INCENP: variants seen among roughly 807,000 people sequenced by gnomAD.
INCENP encodes binds and activates aurora-B and -C in vivo and in vitro.
A neutral mutation model predicts 107.3 loss-of-function variants in INCENP; 43 were observed. The observed-to-expected ratio is 0.40, with a 90% CI of 0.31 to 0.52. The LOEUF is 0.52. INCENP is among the 20% of genes least tolerant of loss of function. INCENP has a pLI of 0.53. For synonymous variants in INCENP, 488 were observed against 494.4 expected (o/e 0.99, Z 0.17); for missense variants, 1,089 against 1,250.9 (o/e 0.87, Z 1.95).
chr11:62,150,250 T>A, intron 18 of INCENP, 43 bp downstream of exon 18: 1 of 1,604,076 alleles, frequency 6.2e-7, no homozygotes, highest in South Asian at 1.1e-5. Context: ...AGGCCCTCCC[T>A]GGTCCTCACC....
At chr11:62,129,038 G>A (rs1429835094) in intron 3 of INCENP, among the ~76,000 whole-genome samples, 155 bp downstream of exon 3, 2 of 152,210 alleles carry the variant, frequency 1.3e-5, no homozygotes, top group Non-Finnish European at 2.9e-5. Context: ...CATGCTGAGA[G>A]GGGTTGGGAT....
At position 62,128,190 on chromosome 11, in the gene INCENP, A is replaced by G. The variant is rs1477222751; in HGVS notation, c.29A>G (p.His10Arg). Residue 10 changes from histidine to arginine, a missense_variant, in exon 2 of 19, where the codon CAC becomes CGC. His to Arg is a conservative substitution (Grantham distance 29). Coordinates refer to ENST00000394818, the MANE Select transcript of INCENP (RefSeq NM_001040694.2). MGTTAPGPI[H>R]LLELCDQKLM... ...GGGACGACGGCCCCAGGGCCCATTC[A>G]CCTGCTGGAGCTATGTGACCAGAAG... 1.2e-6 allele frequency: 2 copies of G among 1,614,118 alleles called. No individual in the cohort carries two copies. Among genetic ancestry groups the G allele is most frequent in the Middle Eastern group, 1.6e-4 (1 of 6,062 alleles).
rs146545464 is a variant in INCENP, at chr11:62,129,353, A to T, written c.255-429A>T. On this transcript the variant is annotated intron_variant, in intron 3 of 18. Transcript: ENST00000394818. ...GGTGTGAACCCCAGCTCTGCCCCTTAGCAGAGCAGTACGGCTTTGAATTGA... is the reference window on the plus strand; with the variant it reads ...GGTGTGAACCCCAGCTCTGCCCCTTTGCAGAGCAGTACGGCTTTGAATTGA... 2.7e-3 allele frequency among the ~76,000 whole-genome samples: 416 copies of T among 152,280 alleles called. 1 individual carries two copies. The highest frequency in any genetic ancestry group is 4.8e-3 in the Non-Finnish European group (329 of 68,024).
chr11:62,141,429 A>G (rs1359294071), intron 10 of INCENP, 71 bp from the exon 11 acceptor site: 6 of 1,602,106 alleles, frequency 3.7e-6, no homozygotes, highest in South Asian at 1.1e-5. Context: ...ACAGCTGGGC[A>G]TGTGGCCTGC....
chr11:62,134,159 G>C (rs1030917178), intron 4 of INCENP, among the ~76,000 whole-genome samples: 1 of 152,226 alleles, frequency 6.6e-6, no homozygotes, highest in Non-Finnish European at 1.5e-5. Flanking sequence ...TGCTGAGGGT[G>C]AGGGACCTGG....
intron 4 of INCENP, among the ~76,000 whole-genome samples, chr11:62,135,785 T>A (rs937794261): frequency 3.3e-5 from 5 of 152,140 alleles, no homozygotes; most frequent in African/African-American, 1.2e-4. Flanking sequence ...TTTTCAAAAT[T>A]CTACTCTTGG....
In INCENP at chr11:62,143,073, C is replaced by T. The variant is rs556025822; in HGVS notation, c.1605+1562C>T. On this transcript the variant is annotated intron_variant, in intron 11 of 18. Coordinates refer to ENST00000394818, the MANE Select transcript of INCENP (RefSeq NM_001040694.2). ...TTTGGCCACACTTTTGGGATCACAG[C>T]TCCTCCTCTGAGTTTTGACTTGGCA... 9.9e-5 allele frequency among the ~76,000 whole-genome samples: 15 copies of T among 152,224 alleles called. No individual in the cohort carries two copies. The South Asian group carries it at 3.0e-3, about 30-fold the overall frequency.
rs117286841 is a variant in INCENP at position 62,130,979 on chromosome 11, G to A, written c.1063+389G>A. On this transcript the variant is annotated intron_variant, in intron 4 of 18. Coordinates refer to ENST00000394818, the MANE Select transcript of INCENP (RefSeq NM_001040694.2). ...GGTTACTGGCCATGTTGAGGCTGGA[G>A]CCTGGGCCTCTTCCGCAGGGCCAGC... 1.1e-4 allele frequency among the ~76,000 whole-genome samples: 17 copies of A among 152,278 alleles called. No homozygotes were observed. The East Asian group carries it at 2.7e-3, about 24-fold the overall frequency.
At chr11:62,131,423 A>G (rs1436879530) in intron 4 of INCENP, among the ~76,000 whole-genome samples, 1 of 152,226 alleles carries the variant, frequency 6.6e-6, no homozygotes, top group African/African-American at 2.4e-5. Context: ...TTAGGGGGCC[A>G]TTGCCCACTG....
intron 4 of INCENP, among the ~76,000 whole-genome samples, chr11:62,134,470 A>G (rs1263088287): frequency 6.6e-6 from 1 of 151,874 alleles, no homozygotes; most frequent in Non-Finnish European, 1.5e-5. Flanking sequence ...TTAAAAATTA[A>G]AACTGAGGAG....
intron 14 of INCENP, 146 bp downstream of exon 14, chr11:62,145,897 T>C: frequency 9.9e-7 from 1 of 1,013,680 alleles, no homozygotes; most frequent in Non-Finnish European, 1.4e-6. Context: ...TTCCCAGAAG[T>C]CTCCAGGGCG....
chr11:62,147,393 A>G (rs780332734), intron 15 of INCENP, among the ~76,000 whole-genome samples: 2 of 152,166 alleles, frequency 1.3e-5, no homozygotes, highest in Non-Finnish European at 2.9e-5. Context: ...GGGATTTTCC[A>G]GCTGTGCAGA....
Position 62,151,832 on chromosome 11 carries a change from C to G in INCENP, c.2613C>G (p.Thr871=). The G allele has an allele frequency of 6.2e-7, 1 of 1,614,166 alleles. No homozygotes were observed. The highest frequency in any genetic ancestry group is 8.5e-7 in the Non-Finnish European group (1 of 1,180,010). ...CGAACCTTCTGGAGCTCTTTGGAACCATTCTCCCACTGGACTTGGAGGATA... is the reference window on the plus strand; with the variant it reads ...CGAACCTTCTGGAGCTCTTTGGAACGATTCTCCCACTGGACTTGGAGGATA... ...HPPNLLELFG[T]ILPLDLEDIF... is the part of the protein sequence containing the mutation. The change falls in exon 19 of 19, where the codon ACC becomes ACG. Residue 871 remains threonine (T), a synonymous_variant. Coordinates refer to ENST00000394818, the MANE Select transcript of INCENP (RefSeq NM_001040694.2).
chr11:62,129,957 C>G lies in INCENP; in HGVS notation c.430C>G (p.Pro144Ala), dbSNP rs535923655. ...CATGGCATTGGCTGCACCTTCTTCACCCACCCCTGAGTCTCCCACGATGCT... is the reference window on the plus strand; with the variant it reads ...CATGGCATTGGCTGCACCTTCTTCAGCCACCCCTGAGTCTCCCACGATGCT... Reference protein sequence around the residue: ...ATMALAAPSSPTPESPTMLTK... With the variant: ...ATMALAAPSSATPESPTMLTK... The change falls in exon 4 of 19, where the codon CCC becomes GCC. Residue 144 changes from proline (P) to alanine (A), a missense_variant. Coordinates refer to ENST00000394818, the MANE Select transcript of INCENP (RefSeq NM_001040694.2). 12 of 1,613,988 alleles carry G rather than the reference C, an allele frequency of 7.4e-6. No homozygotes were observed. Among genetic ancestry groups the G allele is most frequent in the Non-Finnish European group, 1.0e-5 (12 of 1,180,032 alleles).
intron 4 of INCENP, 133 bp downstream of exon 4, chr11:62,130,723 G>C (rs1166802730): frequency 2.3e-5 from 17 of 739,264 alleles, no homozygotes; most frequent in Non-Finnish European, 2.0e-5. Flanking sequence ...CATCTGTGCT[G>C]TCCTGGGATG....
At chr11:62,124,405 C>T (rs940197138) in intron 1 of INCENP, among the ~76,000 whole-genome samples, 1 of 140,900 alleles carries the variant, frequency 7.1e-6, no homozygotes, top group African/African-American at 2.5e-5. Flanking sequence ...CCGTTCCCTC[C>T]GCTCCCGGCT....
At chr11:62,142,460 C>A (rs1186372717) in intron 11 of INCENP, among the ~76,000 whole-genome samples, 2 of 152,230 alleles carry the variant, frequency 1.3e-5, no homozygotes, top group African/African-American at 4.8e-5. Context: ...GGAAGTGGTC[C>A]CCTTTCCTGC....
intron 15 of INCENP, among the ~76,000 whole-genome samples, chr11:62,148,263 G>T (rs574540410): frequency 5.3e-5 from 8 of 152,342 alleles, no homozygotes; most frequent in Admixed American, 5.2e-4. Flanking sequence ...CAAATGTTGG[G>T]CTCCAGCTTG....
intron 4 of INCENP, 146 bp from the exon 5 acceptor site, chr11:62,137,686 G>A (rs376683297): frequency 1.4e-5 from 10 of 730,568 alleles, no homozygotes; most frequent in Middle Eastern, 3.9e-4. Context: ...AGTGCTGAGG[G>A]GAGGGTCCTG....
Sources: gnomAD v4.1 joint callset for allele counts (sites outside exome capture counted in the v4.1 genomes callset) on GRCh38, gnomAD v4.1.1 for gene constraint, MANE v1.5 for transcripts, NCBI Gene and HGNC (gene_info 2026-07-23, HGNC 2026-07-21) for gene names.